Variants in SLC47A2 observed in about 807,000 individuals in gnomAD.
The protein encoded by SLC47A2 is solute carrier family 47 member 2, also known as multidrug and toxin extrusion protein 2.
Under a neutral mutation model 67.7 loss-of-function variants are expected in SLC47A2, and 52 were observed. The ratio of observed to expected loss-of-function variants is 0.77; its 90% CI spans 0.61 to 0.97. The LOEUF (loss-of-function observed/expected upper bound fraction) is 0.97, where lower values mean the gene tolerates loss of function less well. Among genes scored for constraint, SLC47A2 ranks in the 50% least tolerant of loss-of-function variants. The pLI is 0.00. For missense variants in SLC47A2, 676 were observed against 712.3 expected, an observed-to-expected ratio of 0.95 and a Z score of 0.58; for synonymous variants, 278 against 292.9, an observed-to-expected ratio of 0.95 and a Z score of 0.52.
intron 15 of SLC47A2, among the ~76,000 whole-genome samples, chr17:19,680,558 G>A (rs912758140): frequency 6.6e-6 from 1 of 152,092 alleles, no homozygotes; most frequent in Non-Finnish European, 1.5e-5. Context: ...GTGCACAAAG[G>A]CAAAACCACA....
rs1399924499 is a variant in SLC47A2 at position 19,678,705 on chromosome 17, A to T, written c.1682T>A (p.Ile561Asn). 6.2e-7 allele frequency: 1 copy of T among 1,612,894 alleles called. No individual in the cohort carries two copies. The highest frequency in any genetic ancestry group is 2.2e-5 in the East Asian group (1 of 44,878). Residue 561 changes from isoleucine (I) to asparagine (N), a missense_variant, in exon 17 of 17, where the codon ATC (isoleucine) becomes AAC (asparagine). Transcript: ENST00000433844. The part of the protein sequence containing the change: ...ATLMVGLTVR[I>N]LATRH Reference sequence around the variant, plus strand: ...TCTTTGCTAGTGCCTGGTGGCTAGGATCCTGACCGTGAGCCCCACCATCAG... The same window carrying T: ...TCTTTGCTAGTGCCTGGTGGCTAGGTTCCTGACCGTGAGCCCCACCATCAG...
rs959533183 is a variant in SLC47A2, at chr17:19,702,317, G to C, written c.1164+288C>G. ...GGTCAATGTCATGGTCCCAGCTCATGAGGAATCCGGAAGAAAAAGATTTGT... is the reference window on the plus strand; with the variant it reads ...GGTCAATGTCATGGTCCCAGCTCATCAGGAATCCGGAAGAAAAAGATTTGT... On this transcript the variant is annotated intron_variant, in intron 13 of 16. Coordinates refer to ENST00000433844, the MANE Select transcript of SLC47A2 (RefSeq NM_001099646.3). The C allele has an allele frequency of 3.3e-5, 33 of 985,216 alleles. 2 individuals are homozygous for C. Among genetic ancestry groups the C allele is most frequent in the Non-Finnish European group, 3.6e-6 (3 of 829,930 alleles). 61.0% of individuals were successfully genotyped at this position (985,216 alleles called of 1,614,324 possible).
At chr17:19,691,211 A>G (rs1224784528) in intron 13 of SLC47A2, among the ~76,000 whole-genome samples, 1 of 152,196 alleles carries the variant, frequency 6.6e-6, no homozygotes, top group African/African-American at 2.4e-5. Flanking sequence ...AGTTCCTCAC[A>G]AAACTAAGAA....
At position 19,706,677 on chromosome 17, in the gene SLC47A2, C is replaced by G; in HGVS notation, c.812G>C (p.Trp271Ser). The G allele has an allele frequency of 6.2e-7, 1 of 1,608,720 alleles. No individual in the cohort carries two copies. The highest frequency in any genetic ancestry group is 8.5e-7 in the Non-Finnish European group (1 of 1,178,330). ...GAGGAAGCTCCCGATCTCATAGGCC[C>G]ACCACTCAACACAGATCATGAGCAT... ...PSMLMICVEWWAYEIGSFLMG... is the reference protein window; with the variant it reads ...PSMLMICVEWSAYEIGSFLMG... Residue 271 changes from tryptophan (W) to serine (S), a missense_variant, in exon 9 of 17, where the codon TGG (tryptophan) becomes TCG (serine). Trp to Ser is a radical substitution (Grantham distance 177, BLOSUM62 -3). Transcript: ENST00000433844.
chr17:19,689,511 A>C (rs2085494997), intron 13 of SLC47A2, among the ~76,000 whole-genome samples: 1 of 152,144 alleles, frequency 6.6e-6, no homozygotes, highest in African/African-American at 2.4e-5. Context: ...AGCCTGGGCA[A>C]CATGGCGAAA....
At chr17:19,708,578 G>A in intron 6 of SLC47A2, 138 bp downstream of exon 6, 2 of 1,601,944 alleles carry the variant, frequency 1.2e-6, no homozygotes, top group Non-Finnish European at 1.7e-6. Context: ...TCAGGATATG[G>A]CAGGTGGGTT....
intron 13 of SLC47A2, among the ~76,000 whole-genome samples, chr17:19,683,157 T>C (rs145179170): frequency 2.0e-5 from 3 of 152,180 alleles, no homozygotes; most frequent in Non-Finnish European, 4.4e-5. Context: ...AAATTATGAT[T>C]GATGTACCCT....
At position 19,705,437 on chromosome 17, in the gene SLC47A2, A is replaced by G; in HGVS notation, c.908T>C (p.Met303Thr). Residue 303 changes from methionine (M) to threonine (T), a missense_variant and splice_region_variant, in exon 10 of 17, where the codon ATG (methionine) becomes ACG (threonine). Transcript: ENST00000433844. Reference protein sequence around the residue: ...VIYEVATVTYMIPLGLSIGVC... With the variant: ...VIYEVATVTYTIPLGLSIGVC... ...AAGGCACCCCTGCAGGAGCCTTACC[A>G]TGTAGGTCACAGTGGCCACCTCGTA... is the stretch of plus-strand genomic sequence containing the variant. The G allele has an allele frequency of 1.2e-6, 2 of 1,611,334 alleles. No homozygotes were observed.
chr17:19,695,533 A>G (rs1163133769), intron 13 of SLC47A2, among the ~76,000 whole-genome samples: 1 of 151,334 alleles, frequency 6.6e-6, no homozygotes, highest in Non-Finnish European at 1.5e-5. Flanking sequence ...AAAAAAAGAA[A>G]AAATGTATAC....
chr17:19,695,502 A>C (rs1168555716), intron 13 of SLC47A2, among the ~76,000 whole-genome samples: 1 of 140,012 alleles, frequency 7.1e-6, no homozygotes, highest in Non-Finnish European at 1.5e-5. Context: ...CAAAGAACAA[A>C]AAAAAAAAAC....
intron 13 of SLC47A2, among the ~76,000 whole-genome samples, chr17:19,691,622 AT>A (rs1446648064): frequency 6.6e-6 from 1 of 152,200 alleles, no homozygotes; most frequent in African/African-American, 2.4e-5. Context: ...GGGAGAGGGA[AT>A]GGGGATGGTT....
Position 19,716,570 on chromosome 17 carries a change from C to T in SLC47A2, c.-15G>A. 1 of 1,588,830 alleles carries T rather than the reference C, an allele frequency of 6.3e-7. No homozygotes were observed. The highest frequency in any genetic ancestry group is 8.6e-7 in the Non-Finnish European group (1 of 1,169,074). On this transcript the variant is annotated 5_prime_UTR_variant, in exon 1 of 17. In the 5' UTR this introduces an upstream ATG that the reference lacks. Transcript: ENST00000433844. ...AGGCTGTCCATTCCTGGCCGGGGCA[C>T]TGGCTACCCTGCACGCCTGAGCGCC...
chr17:19,690,017 A>T (rs2085506084), intron 13 of SLC47A2, among the ~76,000 whole-genome samples: 1 of 152,204 alleles, frequency 6.6e-6, no homozygotes, highest in African/African-American at 2.4e-5. Flanking sequence ...CTAACTTCAA[A>T]TTATACTACA....
chr17:19,694,999 C>T (rs1474792897), intron 13 of SLC47A2, among the ~76,000 whole-genome samples: 1 of 150,226 alleles, frequency 6.7e-6, no homozygotes, highest in Non-Finnish European at 1.5e-5. Context: ...AGGAGAAAAT[C>T]TTTGTGACCT....
At chr17:19,684,464 G>T (rs1017003085) in intron 13 of SLC47A2, among the ~76,000 whole-genome samples, 1 of 152,122 alleles carries the variant, frequency 6.6e-6, no homozygotes, top group African/African-American at 2.4e-5. Flanking sequence ...GCCTATATTG[G>T]AAAGGGAGAA....
Position 19,707,677 on chromosome 17 carries a change from C to G in SLC47A2, c.727+69G>C, listed in dbSNP as rs145977756. On this transcript the variant is annotated intron_variant, in intron 8 of 16. Coordinates refer to ENST00000433844, the MANE Select transcript of SLC47A2 (RefSeq NM_001099646.3). Reference sequence around the variant, plus strand: ...ACTGCACCCTCTGCCTGCTGACCACCCTGCCCCAAGGCTAGGGCAGCACCA... The same window carrying G: ...ACTGCACCCTCTGCCTGCTGACCACGCTGCCCCAAGGCTAGGGCAGCACCA... 419 of 1,382,218 alleles carry G rather than the reference C, an allele frequency of 3.0e-4. No homozygotes were observed. The African/African-American group carries it at 5.6e-3, about 19-fold the overall frequency. 85.6% of individuals were successfully genotyped at this position (1,382,218 alleles called of 1,614,324 possible). A position where few individuals can be genotyped will look rare whatever the true frequency, so the allele number is the denominator to read the frequency against.
intron 9 of SLC47A2, 107 bp downstream of exon 9, chr17:19,706,541 C>T (rs896435138): frequency 5.5e-6 from 5 of 916,696 alleles, no homozygotes; most frequent in African/African-American, 1.7e-5. Flanking sequence ...AGCTGCCATC[C>T]TGGGGAGGGG....
Position 19,680,041 on chromosome 17 carries a change from T to C in SLC47A2, c.1393-2A>G, listed in dbSNP as rs1253241103. The C allele has an allele frequency of 1.2e-6, 2 of 1,613,472 alleles. No homozygotes were observed. The highest frequency in any genetic ancestry group is 2.7e-5 in the African/African-American group (2 of 74,896). On this transcript the variant is annotated splice_acceptor_variant, in intron 15 of 16. Transcript: ENST00000433844. LOFTEE classifies it high-confidence loss of function. ...CTGCCGGCCTGAATGTTTCTTAGCC[T>C]AAAGGAGAAAGAACTCAATTGGGTC...
intron 8 of SLC47A2, 63 bp downstream of exon 8, chr17:19,707,683 C>A: frequency 6.9e-7 from 1 of 1,457,292 alleles, no homozygotes; most frequent in South Asian, 1.2e-5. Context: ...CCACCCTGCC[C>A]CAAGGCTAGG....
Sources: allele counts gnomAD v4.1 joint callset (sites outside exome capture counted in the v4.1 genomes callset), GRCh38; gene constraint gnomAD v4.1.1; transcripts MANE v1.5; gene names NCBI Gene and HGNC (gene_info 2026-07-23, HGNC 2026-07-21).